SLC45A2: variants seen among roughly 807,000 people sequenced by gnomAD.
SLC45A2 encodes membrane-associated transporter protein.
In SLC45A2, 36 loss-of-function variants were observed where a neutral mutation model predicts 45.5. That is an observed-to-expected ratio of 0.79 (90% confidence interval 0.61 to 1.04). The LOEUF is 1.04. Ranked by LOEUF, SLC45A2 falls within the 50% of genes least tolerant of loss-of-function variation. SLC45A2 has a pLI of 0.00. For missense variants in SLC45A2, 719 were observed against 671.0 expected (o/e 1.07, Z -0.79); for synonymous variants, 306 against 269.3 (o/e 1.14, Z -1.33).
intron 2 of SLC45A2, among the ~76,000 whole-genome samples, chr5:33,974,464 A>G (rs966182290): frequency 1.3e-5 from 2 of 150,988 alleles, no homozygotes; most frequent in Non-Finnish European, 2.9e-5. Flanking sequence ...AAAAAAAAAA[A>G]AGAATTTCAG....
chr5:33,969,285 A>T (rs1047669798), intron 2 of SLC45A2, among the ~76,000 whole-genome samples: 124 of 151,728 alleles, frequency 8.2e-4, no homozygotes, highest in Middle Eastern at 3.4e-3. Context: ...GAAAAAAAAA[A>T]TTTTAAATTA....
Position 33,944,881 on chromosome 5 carries a change from G to A in SLC45A2, c.1369-9C>T. On this transcript the variant is annotated splice_polypyrimidine_tract_variant and intron_variant, in intron 6 of 6. Coordinates refer to ENST00000296589, the MANE Select transcript of SLC45A2 (RefSeq NM_016180.5). Reference sequence around the variant, plus strand: ...CCTGGGGCCTGCTGCCTCTGCAAAGGAAGCACAGAACCACCATTTGACCTA... The same window carrying A: ...CCTGGGGCCTGCTGCCTCTGCAAAGAAAGCACAGAACCACCATTTGACCTA... 6.2e-7 allele frequency: 1 copy of A among 1,606,392 alleles called. No individual in the cohort carries two copies. Among genetic ancestry groups the A allele is most frequent in the South Asian group, 1.1e-5 (1 of 89,678 alleles).
intron 3 of SLC45A2, among the ~76,000 whole-genome samples, chr5:33,957,552 T>C (rs35393): frequency 0.072 from 10,898 of 152,196 alleles, 1,203 homozygotes; most frequent in East Asian, 0.4. Context: ...TGAAGGAAAA[T>C]AACTGTTTTT....
intron 3 of SLC45A2, among the ~76,000 whole-genome samples, chr5:33,959,808 CT>C (rs1261748321): frequency 6.6e-6 from 1 of 152,144 alleles, no homozygotes; most frequent in Non-Finnish European, 1.5e-5. Flanking sequence ...TCGAAGTTTA[CT>C]TTTGCATTTA....
At chr5:33,981,573 G>A (rs566090890) in intron 2 of SLC45A2, among the ~76,000 whole-genome samples, 1 of 152,270 alleles carries the variant, frequency 6.6e-6, no homozygotes, top group Admixed American at 6.5e-5. Flanking sequence ...GCTCTGAGTA[G>A]CATTGCTCTA....
chr5:33,951,990 G>T lies in SLC45A2; in HGVS notation c.1033-313C>A, dbSNP rs149480117. Among the ~76,000 whole-genome samples the T allele has an allele frequency of 2.3e-3, 346 of 152,094 alleles. 1 individual carries two copies. Among genetic ancestry groups the T allele is most frequent in the African/African-American group, 7.9e-3 (328 of 41,480 alleles). ...CACTCATCTTCTGCTACAGCCAATC[G>T]GCTTCTGACTCATCTCCACATGGGC... On this transcript the variant is annotated intron_variant, in intron 4 of 6. Coordinates refer to ENST00000296589, the MANE Select transcript of SLC45A2 (RefSeq NM_016180.5).
Position 33,968,365 on chromosome 5 carries a change from A to G in SLC45A2, c.563-4349T>C, listed in dbSNP as rs539148544. 1.6e-4 allele frequency among the ~76,000 whole-genome samples: 24 copies of G among 152,324 alleles called. 1 individual carries two copies. The South Asian group carries it at 4.1e-3, about 26-fold the overall frequency. ...TCTGCTGCCAAAATCAGCCTCTGTG[A>G]GGCCACTGGAATCAATCACCAGGCT... On this transcript the variant is annotated intron_variant, in intron 2 of 6. Transcript: ENST00000296589.
chr5:33,946,265 C>T, intron 6 of SLC45A2: 1 of 985,438 alleles, frequency 1.0e-6, no homozygotes, highest in Non-Finnish European at 1.2e-6. Context: ...AAAGCCACAC[C>T]TCTTTTTTGA....
intron 3 of SLC45A2, among the ~76,000 whole-genome samples, chr5:33,955,269 C>T (rs1270642470): frequency 6.6e-6 from 1 of 152,208 alleles, no homozygotes; most frequent in African/African-American, 2.4e-5. Flanking sequence ...CCACATGGAA[C>T]TGCATTCTGC....
At position 33,984,189 on chromosome 5, in the gene SLC45A2, GC is replaced by G; in HGVS notation, c.385+9del. On this transcript the variant is annotated intron_variant, in intron 1 of 6. Coordinates refer to ENST00000296589, the MANE Select transcript of SLC45A2 (RefSeq NM_016180.5). ...TATCCCTGTCTGCCCACCTTGTGCA[GC>G]CCACTTACCTGCTACAACAGTAGCC... 6.2e-7 allele frequency: 1 copy of G among 1,613,782 alleles called. No individual in the cohort carries two copies. Among genetic ancestry groups the G allele is most frequent in the Non-Finnish European group, 8.5e-7 (1 of 1,179,972 alleles).
intron 3 of SLC45A2, among the ~76,000 whole-genome samples, chr5:33,958,195 T>G (rs1752333945): frequency 6.6e-6 from 1 of 152,214 alleles, no homozygotes; most frequent in South Asian, 2.1e-4. Flanking sequence ...AGGGAGCAAC[T>G]GACGACATGG....
chr5:33,954,781 G>A (rs1230423731), intron 3 of SLC45A2, among the ~76,000 whole-genome samples: 2 of 152,174 alleles, frequency 1.3e-5, no homozygotes, highest in Non-Finnish European at 2.9e-5. Flanking sequence ...AGGTGTAGGA[G>A]ACATTGAGCA....
At chr5:33,972,684 A>G (rs1181592461) in intron 2 of SLC45A2, 2 of 153,184 alleles carry the variant, frequency 1.3e-5, no homozygotes, top group African/African-American at 4.8e-5. Flanking sequence ...GTGAAGTTAA[A>G]GAAAATACTA....
In SLC45A2 at chr5:33,947,147, T is replaced by A; in HGVS notation, c.1368+16A>T. 1 of 1,614,084 alleles carries A rather than the reference T, an allele frequency of 6.2e-7. No individual in the cohort carries two copies. The highest frequency in any genetic ancestry group is 8.5e-7 in the Non-Finnish European group (1 of 1,180,006). On this transcript the variant is annotated intron_variant, in intron 6 of 6. Transcript: ENST00000296589. ...GTCTGGATGTTACCCAAGGCAGAGG[T>A]TCAATGACAGCACACCTCCTTTTCT...
At chr5:33,982,157 TAG>T in intron 2 of SLC45A2, 77 bp downstream of exon 2, 1 of 1,532,318 alleles carries the variant, frequency 6.5e-7, no homozygotes, top group Non-Finnish European at 9.0e-7. Context: ...ACTCCACGTG[TAG>T]AGACACTGGA....
intron 3 of SLC45A2, among the ~76,000 whole-genome samples, chr5:33,962,132 G>T (rs1320184778): frequency 2.0e-5 from 3 of 152,116 alleles, no homozygotes; most frequent in Admixed American, 2.0e-4. Flanking sequence ...CTTTTTAAAA[G>T]ATCTGAACTG....
At chr5:33,948,677 C>G (rs1752009640) in intron 5 of SLC45A2, among the ~76,000 whole-genome samples, 1 of 152,090 alleles carries the variant, frequency 6.6e-6, no homozygotes, top group South Asian at 2.1e-4. Flanking sequence ...GTTGAGAATA[C>G]AAAAATGAGA....
chr5:33,968,980 A>C (rs1752689239), intron 2 of SLC45A2, among the ~76,000 whole-genome samples: 1 of 151,392 alleles, frequency 6.6e-6, no homozygotes, highest in Non-Finnish European at 1.5e-5. Context: ...GATTAGGTGC[A>C]TGCTTCCTAC....
intron 5 of SLC45A2, among the ~76,000 whole-genome samples, chr5:33,950,784 G>T (rs937498099): frequency 1.3e-5 from 2 of 152,232 alleles, no homozygotes; most frequent in Non-Finnish European, 2.9e-5. Flanking sequence ...CAATCTTGCA[G>T]AAGAAGAGCT....
Sources: allele counts gnomAD v4.1 joint callset (sites outside exome capture counted in the v4.1 genomes callset), GRCh38; gene constraint gnomAD v4.1.1; transcripts MANE v1.5; gene names NCBI Gene and HGNC (gene_info 2026-07-23, HGNC 2026-07-21).